MAPK8: variants seen among roughly 807,000 people sequenced by gnomAD.
The protein encoded by MAPK8 is mitogen-activated protein kinase 8.
In MAPK8, 13 loss-of-function variants were observed where a neutral mutation model predicts 52.9. The observed-to-expected ratio is 0.25, with a 90% confidence interval of 0.16 to 0.39. The LOEUF (loss-of-function observed/expected upper bound fraction) is 0.39, where lower values mean the gene tolerates loss of function less well. Among genes scored for constraint, MAPK8 ranks in the 10% least tolerant of loss-of-function variants. The pLI is 1.00. For missense variants in MAPK8, 300 were observed against 519.2 expected (o/e 0.58, Z 4.10); for synonymous variants, 191 against 169.8 (o/e 1.12, Z -0.97).
At chr10:48,427,916 A>G (rs1377701447) in intron 10 of MAPK8, among the ~76,000 whole-genome samples, 1 of 152,202 alleles carries the variant, frequency 6.6e-6, no homozygotes, top group East Asian at 1.9e-4. Flanking sequence ...CTTGGTGACC[A>G]TTTAAATTGT....
chr10:48,433,857 C>T (rs1192221358), intron 11 of MAPK8, among the ~76,000 whole-genome samples: 1 of 152,164 alleles, frequency 6.6e-6, no homozygotes, highest in African/African-American at 2.4e-5. Flanking sequence ...TGAACCTCAC[C>T]CTCAGAAATT....
intron 1 of MAPK8, among the ~76,000 whole-genome samples, chr10:48,396,549 AT>A (rs2041896672): frequency 6.6e-6 from 1 of 152,204 alleles, no homozygotes; most frequent in African/African-American, 2.4e-5. Context: ...TTCTTATAAA[AT>A]TAAACATGGA....
At chr10:48,387,397 G>C (rs2041377818) in intron 1 of MAPK8, among the ~76,000 whole-genome samples, 1 of 152,130 alleles carries the variant, frequency 6.6e-6, no homozygotes, top group Non-Finnish European at 1.5e-5. Flanking sequence ...TTATAAGCGA[G>C]TAGTACAGAA....
At chr10:48,376,265 G>T (rs764728789) in intron 1 of MAPK8, among the ~76,000 whole-genome samples, 2 of 152,108 alleles carry the variant, frequency 1.3e-5, no homozygotes, top group Non-Finnish European at 2.9e-5. Context: ...TTAAATGTAA[G>T]ACCTAAAACC....
chr10:48,346,590 A>G (rs946125025), intron 1 of MAPK8, among the ~76,000 whole-genome samples: 3 of 151,998 alleles, frequency 2.0e-5, no homozygotes, highest in African/African-American at 7.2e-5. Flanking sequence ...TTTAGAGAAG[A>G]CTTTGCTCCT....
chr10:48,317,394 G>A (rs940961502), intron 1 of MAPK8, among the ~76,000 whole-genome samples: 2 of 92,558 alleles, frequency 2.2e-5, no homozygotes, highest in Non-Finnish European at 5.1e-5. Flanking sequence ...GAAACTCCTG[G>A]CCTCGTGATC....
chr10:48,409,731 A>G, intron 3 of MAPK8, 148 bp from the exon 4 acceptor site: 1 of 626,984 alleles, frequency 1.6e-6, no homozygotes, highest in Non-Finnish European at 2.8e-6. Context: ...GTTGCAATAT[A>G]TAAAATGAAA....
At chr10:48,413,815 T>TTTTA (rs1223947558) in intron 5 of MAPK8, among the ~76,000 whole-genome samples, 20 of 48,406 alleles carry the variant, frequency 4.1e-4, no homozygotes, top group African/African-American at 1.3e-3. Context: ...GCCAGAATTG[T>TTTTA]TATATATATA....
intron 1 of MAPK8, among the ~76,000 whole-genome samples, chr10:48,396,536 A>G (rs1399659460): frequency 6.6e-6 from 1 of 152,214 alleles, no homozygotes; most frequent in Non-Finnish European, 1.5e-5. Flanking sequence ...ACAGTTTGCC[A>G]GTTTCTTATA....
intron 2 of MAPK8, among the ~76,000 whole-genome samples, chr10:48,402,894 C>G (rs2042232705): frequency 6.6e-6 from 1 of 152,122 alleles, no homozygotes; most frequent in Non-Finnish European, 1.5e-5. Context: ...TACTATATAA[C>G]ATTTTAAACG....
At chr10:48,409,609 A>G (rs551952114) in intron 3 of MAPK8, among the ~76,000 whole-genome samples, 4 of 152,346 alleles carry the variant, frequency 2.6e-5, no homozygotes, top group African/African-American at 9.6e-5. Flanking sequence ...AGAGGTTTGT[A>G]TAATGTAAGT....
At chr10:48,414,598 A>T (rs1382473703) in intron 5 of MAPK8, among the ~76,000 whole-genome samples, 1 of 116,364 alleles carries the variant, frequency 8.6e-6, no homozygotes, top group Admixed American at 1.0e-4. Flanking sequence ...TTTTTTTGAG[A>T]CAGGGTCTCT....
intron 1 of MAPK8, among the ~76,000 whole-genome samples, chr10:48,375,413 T>C (rs145695332): frequency 6.6e-6 from 1 of 151,982 alleles, no homozygotes; most frequent in African/African-American, 2.4e-5. Flanking sequence ...GAGAAAGAAA[T>C]AAAGGGTATT....
chr10:48,409,802 C>A, intron 3 of MAPK8, 77 bp from the exon 4 acceptor site: 1 of 937,656 alleles, frequency 1.1e-6, no homozygotes, highest in Non-Finnish European at 1.6e-6. Context: ...TTTTTTTTAA[C>A]TCATGTATTT....
intron 1 of MAPK8, among the ~76,000 whole-genome samples, chr10:48,350,649 C>T (rs1277541047): frequency 6.6e-6 from 1 of 152,204 alleles, no homozygotes; most frequent in African/African-American, 2.4e-5. Flanking sequence ...GACAAACCCA[C>T]AGCCAATATC....
chr10:48,356,841 C>CAAAAAAATAAAAAAAAAA (rs1847000156), intron 1 of MAPK8, among the ~76,000 whole-genome samples: 1 of 30,268 alleles, frequency 3.3e-5, no homozygotes, highest in Non-Finnish European at 6.6e-5. Context: ...GACTCCGTCT[C>CAAAAAAATAAAAAAAAAA]AAAAAAAAAA....
intron 1 of MAPK8, among the ~76,000 whole-genome samples, chr10:48,317,757 G>T (rs931706635): frequency 3.9e-5 from 6 of 152,118 alleles, no homozygotes; most frequent in Admixed American, 2.0e-4. Context: ...GAAGGTGAAG[G>T]CCTATTCTCC....
intron 11 of MAPK8, 143 bp downstream of exon 11, chr10:48,431,413 T>C: frequency 1.6e-6 from 1 of 607,656 alleles, no homozygotes; most frequent in Non-Finnish European, 2.9e-6. Flanking sequence ...TACAGTTTTG[T>C]TTTTTCTACT....
At chr10:48,404,422 C>G (rs752089414) in intron 2 of MAPK8, among the ~76,000 whole-genome samples, 2 of 152,140 alleles carry the variant, frequency 1.3e-5, no homozygotes, top group Non-Finnish European at 2.9e-5. Context: ...TCCCAAAGTG[C>G]TGGGATTACA....
Sources: gnomAD v4.1 joint callset for allele counts (sites outside exome capture counted in the v4.1 genomes callset) on GRCh38, gnomAD v4.1.1 for gene constraint, MANE v1.5 for transcripts, NCBI Gene and HGNC (gene_info 2026-07-23, HGNC 2026-07-21) for gene names.